Variants in TBCCD1 observed in about 807,000 individuals in gnomAD.
TBCCD1 encodes TBCC domain containing 1, also known as TBCC domain-containing protein 1.
Under a neutral mutation model 53.4 loss-of-function variants are expected in TBCCD1, and 26 were observed. The observed-to-expected ratio is 0.49, with a 90% CI of 0.36 to 0.68. TBCCD1 has a LOEUF of 0.68. TBCCD1 is among the 30% of genes least tolerant of loss of function. TBCCD1 has a pLI of 0.00. For synonymous variants in TBCCD1, 245 were observed against 241.7 expected (o/e 1.01, Z -0.13); for missense variants, 558 against 669.5 (o/e 0.83, Z 1.84).
At chr3:186,562,636 T>TA (rs1033107958) in intron 2 of TBCCD1, among the ~76,000 whole-genome samples, 4 of 151,916 alleles carry the variant, frequency 2.6e-5, no homozygotes, top group African/African-American at 9.7e-5. Flanking sequence ...AGATAACAAT[T>TA]ACATGTTGTA....
At chr3:186,552,048 T>C (rs780306332) in intron 6 of TBCCD1, among the ~76,000 whole-genome samples, 1 of 151,990 alleles carries the variant, frequency 6.6e-6, no homozygotes, top group Non-Finnish European at 1.5e-5. Context: ...CTAGGTGCCA[T>C]GGAGAAAAAT....
In TBCCD1 at chr3:186,563,980, A is replaced by G. The variant is rs1304977844; in HGVS notation, c.336+14T>C. On this transcript the variant is annotated intron_variant, in intron 2 of 7. Transcript: ENST00000338733. Reference sequence around the variant, plus strand: ...TCCAAAAGTAATTAAGTATACACACATATCAATCCGTACCTGATTTCTCTG... The same window carrying G: ...TCCAAAAGTAATTAAGTATACACACGTATCAATCCGTACCTGATTTCTCTG... The G allele has an allele frequency of 1.3e-6, 2 of 1,586,376 alleles. No individual in the cohort carries two copies. Among genetic ancestry groups the G allele is most frequent in the Non-Finnish European group, 1.7e-6 (2 of 1,167,396 alleles).
upstream of TBCCD1, among the ~76,000 whole-genome samples, chr3:186,569,229 G>A (rs572135029): frequency 2.6e-5 from 4 of 152,268 alleles, no homozygotes; most frequent in South Asian, 8.3e-4. Context: ...CTAGCATGGA[G>A]TTGGGATTTT....
intron 5 of TBCCD1, 42 bp from the exon 6 acceptor site, chr3:186,554,793 T>A: frequency 6.3e-7 from 1 of 1,592,124 alleles, no homozygotes; most frequent in Non-Finnish European, 8.5e-7. Flanking sequence ...CTGAATAAGA[T>A]TTTAAAAATT....
intron 1 of TBCCD1, among the ~76,000 whole-genome samples, chr3:186,565,109 CTTTT>C (rs370017010): frequency 4.0e-5 from 5 of 124,752 alleles, no homozygotes; most frequent in African/African-American, 9.3e-5. Flanking sequence ...TCTTCTTCTT[CTTTT>C]TTTTTTTTTT....
intron 2 of TBCCD1, among the ~76,000 whole-genome samples, chr3:186,561,080 A>G (rs1714675696): frequency 6.6e-6 from 1 of 152,246 alleles, no homozygotes; most frequent in African/African-American, 2.4e-5. Flanking sequence ...TTTGGATATG[A>G]CACCAAAAGC....
intron 6 of TBCCD1, among the ~76,000 whole-genome samples, chr3:186,553,077 A>T (rs756611011): frequency 2.0e-5 from 3 of 152,208 alleles, no homozygotes; most frequent in Non-Finnish European, 4.4e-5. Flanking sequence ...AATTTGTTTC[A>T]AACTGATTTC....
At chr3:186,570,303 G>T (rs1228550296), upstream of TBCCD1, 4 of 540,942 alleles carry the variant, frequency 7.4e-6, no homozygotes, top group African/African-American at 1.9e-5. Flanking sequence ...CATTCGGAGC[G>T]TAGCTGGGTA....
chr3:186,551,087 A>G, intron 7 of TBCCD1, 42 bp downstream of exon 7: 1 of 1,565,846 alleles, frequency 6.4e-7, no homozygotes, highest in Admixed American at 2.0e-5. Flanking sequence ...TGCTTGAAAG[A>G]TTTCCCCAAA....
chr3:186,569,390 C>G (rs56029202), upstream of TBCCD1, among the ~76,000 whole-genome samples: 40,773 of 151,232 alleles, frequency 0.27, 7,000 homozygotes, highest in African/African-American at 0.49. Flanking sequence ...AGGAACTCGG[C>G]TCACTGCAAC....
chr3:186,552,191 G>A (rs1013239815), intron 6 of TBCCD1, among the ~76,000 whole-genome samples: 4 of 152,114 alleles, frequency 2.6e-5, no homozygotes, highest in Non-Finnish European at 4.4e-5. Context: ...AGTATTTGGA[G>A]AGGAATATAC....
Position 186,555,214 on chromosome 3 carries a change from G to T in TBCCD1, c.860-130C>A, listed in dbSNP as rs531278259. On this transcript the variant is annotated intron_variant, in intron 4 of 7. Transcript: ENST00000338733. ...ACCACATGTAGGGACAAAAACGTTA[G>T]ATCTGGGCTTTGGATAGAGGTATTT... The T allele has an allele frequency of 7.7e-6, 6 of 780,634 alleles. No individual in the cohort carries two copies. In the Admixed American group the frequency reaches 1.4e-4, roughly 19 times the overall value. 48.4% of individuals were successfully genotyped at this position (780,634 alleles called of 1,614,324 possible).
chr3:186,551,518 C>G (rs1430629378), intron 6 of TBCCD1, among the ~76,000 whole-genome samples: 1 of 152,194 alleles, frequency 6.6e-6, no homozygotes, highest in East Asian at 1.9e-4. Flanking sequence ...CAAGTGAACA[C>G]TGGGTACTGT....
intron 7 of TBCCD1, among the ~76,000 whole-genome samples, chr3:186,548,010 C>T (rs1055454800): frequency 1.3e-5 from 2 of 152,124 alleles, no homozygotes; most frequent in African/African-American, 4.8e-5. Flanking sequence ...CTCACAATTC[C>T]GCTTCTAGGT....
intron 2 of TBCCD1, 54 bp from the exon 3 acceptor site, chr3:186,558,626 G>T: frequency 6.4e-7 from 1 of 1,570,662 alleles, no homozygotes; most frequent in Non-Finnish European, 8.7e-7. Flanking sequence ...TCAACCACTA[G>T]TCTAACAACT....
intron 3 of TBCCD1, among the ~76,000 whole-genome samples, chr3:186,557,108 A>T (rs1439867048): frequency 2.6e-5 from 4 of 152,184 alleles, no homozygotes; most frequent in Admixed American, 2.0e-4. Flanking sequence ...AATGTATAGC[A>T]ATAAATGGGC....
intron 2 of TBCCD1, among the ~76,000 whole-genome samples, chr3:186,561,795 A>AT (rs888092385): frequency 1.2e-4 from 19 of 152,186 alleles, no homozygotes; most frequent in Non-Finnish European, 2.2e-4. Flanking sequence ...TCTCAAAAAA[A>AT]AAATAAATAA....
At position 186,554,417 on chromosome 3, in the gene TBCCD1, A is replaced by C. The variant is rs991610607; in HGVS notation, c.1381T>G (p.Leu461Val). Reference sequence around the variant, plus strand: ...AATACATAGAATTCACAAGGTGGTAAAAGCTGGAAGACTCTTGTGTCGCTG... The same window carrying C: ...AATACATAGAATTCACAAGGTGGTACAAGCTGGAAGACTCTTGTGTCGCTG... ...ENSDTRVFQL[L>V]PPCEFYVFII... Residue 461 changes from leucine to valine, a missense_variant, in exon 6 of 8, where the codon TTA (leucine) becomes GTA (valine). Coordinates refer to ENST00000338733, the MANE Select transcript of TBCCD1 (RefSeq NM_018138.5). 1.2e-6 allele frequency: 2 copies of C among 1,614,102 alleles called. No individual in the cohort carries two copies. Among genetic ancestry groups the C allele is most frequent in the African/African-American group, 2.7e-5 (2 of 74,938 alleles).
rs1479124562 is a variant in TBCCD1, at chr3:186,556,409, C to T, written c.859G>A (p.Val287Ile). 2 of 1,577,646 alleles carry T rather than the reference C, an allele frequency of 1.3e-6. No individual in the cohort carries two copies. The highest frequency in any genetic ancestry group is 1.7e-6 in the Non-Finnish European group (2 of 1,171,688). ...TGTAGATTAAAATATTAAAAAATAC[C>T]TTGATGAGCCCAAGCCAATTTCTTT... is the stretch of plus-strand genomic sequence containing the variant. ...SGKKLAWAHQ[V>I]EGTTKRAKIA... Residue 287 changes from valine to isoleucine, a missense_variant and splice_region_variant, in exon 4 of 8, where the codon GTT becomes ATT. Transcript: ENST00000338733.
Sources: allele counts gnomAD v4.1 joint callset (sites outside exome capture counted in the v4.1 genomes callset), GRCh38; gene constraint gnomAD v4.1.1; transcripts MANE v1.5; gene names NCBI Gene and HGNC (gene_info 2026-07-23, HGNC 2026-07-21).